TEX14: variants seen among roughly 807,000 people sequenced by gnomAD.
The protein encoded by TEX14 is testis expressed 14, intercellular bridge forming factor, also known as inactive serine/threonine-protein kinase TEX14.
Under a neutral mutation model 178.6 loss-of-function variants are expected in TEX14, and 168 were observed. That is an observed-to-expected ratio of 0.94 (90% CI 0.83 to 1.07). TEX14 has a LOEUF of 1.07. Ranked by LOEUF, TEX14 falls within the 50% of genes least tolerant of loss-of-function variation. TEX14 has a pLI of 0.00. For missense variants in TEX14, 1,730 were observed against 1,753.6 expected, an observed-to-expected ratio of 0.99 and a Z score of 0.24; for synonymous variants, 626 against 634.1, an observed-to-expected ratio of 0.99 and a Z score of 0.19.
intron 1 of TEX14, among the ~76,000 whole-genome samples, chr17:58,656,301 C>T (rs747096461): frequency 6.6e-6 from 1 of 151,902 alleles, no homozygotes; most frequent in African/African-American, 2.4e-5. Flanking sequence ...AAAAATTAGC[C>T]GGATGTGGTG....
At chr17:58,625,662 A>T (rs1254674531) in intron 3 of TEX14, among the ~76,000 whole-genome samples, 1 of 146,470 alleles carries the variant, frequency 6.8e-6, no homozygotes, top group Admixed American at 6.6e-5. Flanking sequence ...GCCAACTCAG[A>T]AGTTTATTTT....
At chr17:58,574,302 CACTA>C (rs2044619969) in intron 21 of TEX14, 53 bp from the exon 22 acceptor site, 4 of 1,386,270 alleles carry the variant, frequency 2.9e-6, no homozygotes, top group East Asian at 2.3e-5. Flanking sequence ...GAACAAAGTA[CACTA>C]ACTACTTGCT....
chr17:58,577,410 C>T lies in TEX14; in HGVS notation c.3285G>A (p.Glu1095=). The change falls in exon 21 of 32, where the codon GAG becomes GAA. Residue 1095 remains glutamate (E), a synonymous_variant. Transcript: ENST00000349033. ...GTTGAAATTGAGACCTGGGCAAAAT[C>T]TCAGCATTCTTTCCAAGAATTTTTC... ...QMRKILGKNA[E]ILPRSQFQPV... 1 of 1,516,204 alleles carries T rather than the reference C, an allele frequency of 6.6e-7. No homozygotes were observed. Among genetic ancestry groups the T allele is most frequent in the Non-Finnish European group, 8.9e-7 (1 of 1,128,590 alleles). The allele number at this position is 1,516,204 out of a possible 1,614,324, so 93.9% of individuals were successfully genotyped here.
chr17:58,559,709 A>C, intron 29 of TEX14, 147 bp from the exon 30 acceptor site: 2 of 600,356 alleles, frequency 3.3e-6, no homozygotes, highest in Non-Finnish European at 5.9e-6. Context: ...TCTATGCACC[A>C]GGCATTGGTT....
At chr17:58,623,094 G>A in intron 3 of TEX14, 82 bp from the exon 4 acceptor site, 1 of 1,316,768 alleles carries the variant, frequency 7.6e-7, no homozygotes, top group Non-Finnish European at 1.0e-6. Context: ...GCAACACAGG[G>A]CTCCCATTCT....
At chr17:58,671,534 T>G (rs1373930068) in intron 1 of TEX14, among the ~76,000 whole-genome samples, 1 of 152,074 alleles carries the variant, frequency 6.6e-6, no homozygotes, top group African/African-American at 2.4e-5. Context: ...GGAGGGACTC[T>G]CTAGTCAGAC....
chr17:58,643,974 G>A (rs2046636576), intron 2 of TEX14, among the ~76,000 whole-genome samples: 3 of 137,008 alleles, frequency 2.2e-5, no homozygotes, highest in Non-Finnish European at 4.6e-5. Flanking sequence ...ATAGCCTCCT[G>A]CAGCCAGAGC....
At chr17:58,634,326 T>G (rs2046386143) in intron 2 of TEX14, among the ~76,000 whole-genome samples, 3 of 152,062 alleles carry the variant, frequency 2.0e-5, no homozygotes, top group African/African-American at 7.2e-5. Context: ...GGCAGGAGGT[T>G]TGCTTGAACC....
At chr17:58,683,761 T>C (rs2047542531) in intron 1 of TEX14, among the ~76,000 whole-genome samples, 1 of 104,292 alleles carries the variant, frequency 9.6e-6, no homozygotes, top group Non-Finnish European at 1.9e-5. Context: ...AGACTCCAGC[T>C]CAAAAAAAAA....
intron 11 of TEX14, among the ~76,000 whole-genome samples, chr17:58,603,990 T>C (rs2045544553): frequency 6.8e-6 from 1 of 147,662 alleles, no homozygotes; most frequent in Non-Finnish European, 1.5e-5. Context: ...ATGTGACTAC[T>C]TTCTCCACAT....
chr17:58,623,794 TGAA>T (rs1567742426), intron 3 of TEX14, among the ~76,000 whole-genome samples: 3 of 105,288 alleles, frequency 2.8e-5, no homozygotes, highest in Admixed American at 1.5e-4. Flanking sequence ...AAGGAGAAGA[TGAA>T]GAAGAGGAGG....
At chr17:58,683,375 C>T (rs532520738) in intron 1 of TEX14, among the ~76,000 whole-genome samples, 4 of 148,452 alleles carry the variant, frequency 2.7e-5, no homozygotes, top group Admixed American at 2.0e-4. Flanking sequence ...TCCATCCCCC[C>T]CCCCAAAAAA....
chr17:58,647,603 T>C (rs1205615480), intron 2 of TEX14, among the ~76,000 whole-genome samples: 5 of 144,636 alleles, frequency 3.5e-5, no homozygotes, highest in African/African-American at 1.3e-4. Flanking sequence ...AAGAGTGTGC[T>C]TGAGGTCAGG....
At chr17:58,628,719 A>C (rs1421562741) in intron 3 of TEX14, among the ~76,000 whole-genome samples, 2 of 151,610 alleles carry the variant, frequency 1.3e-5, no homozygotes, top group Non-Finnish European at 2.9e-5. Context: ...CTCAAAAAAA[A>C]AAAAAGACTA....
rs79372976 is a variant in TEX14, at chr17:58,682,804, G to C, written c.-2+9135C>G. On this transcript the variant is annotated intron_variant, in intron 1 of 31. Transcript: ENST00000349033. ...CAAGGGAGTCAGCCTTAGGCAAAAA[G>C]ATGTCTGTCCTCCACTGCCTTGTAA... Among the ~76,000 whole-genome samples the C allele has an allele frequency of 4.4e-3, 674 of 152,248 alleles. 3 individuals carry two copies. Among genetic ancestry groups the C allele is most frequent in the African/African-American group, 0.015 (642 of 41,558 alleles).
intron 29 of TEX14, among the ~76,000 whole-genome samples, chr17:58,560,593 G>A (rs1319840711): frequency 6.6e-6 from 1 of 152,228 alleles, no homozygotes; most frequent in Non-Finnish European, 1.5e-5. Context: ...CAAGTAAGCT[G>A]ACTCTCTTCA....
chr17:58,585,772 C>A, intron 18 of TEX14, 29 bp downstream of exon 18: 7 of 1,611,700 alleles, frequency 4.3e-6, no homozygotes, highest in Non-Finnish European at 5.9e-6. Flanking sequence ...ATTGAGTTCA[C>A]CTATCCTGAT....
Position 58,599,627 on chromosome 17 carries a change from G to C in TEX14, c.1718C>G (p.Thr573Ser). The change falls in exon 14 of 32, where the codon ACT (threonine) becomes AGT (serine). Residue 573 changes from threonine to serine, a missense_variant. This residue lies in a region of TEX14 where 941 missense variants were observed against 1,072.4 expected (regional missense o/e 0.88). Coordinates refer to ENST00000349033, the MANE Select transcript of TEX14 (RefSeq NM_031272.5). ...PHSPRVHSLFTEGTLDPQAPD... is the reference protein window; with the variant it reads ...PHSPRVHSLFSEGTLDPQAPD... The stretch of plus-strand genomic sequence containing the variant: ...GGCCTGAGGATCTAGTGTCCCCTCA[G>C]TGAATAAAGAGTGAACCCTTGGTGA... 1.2e-6 allele frequency: 2 copies of C among 1,613,606 alleles called. No homozygotes were observed. Among genetic ancestry groups the C allele is most frequent in the Non-Finnish European group, 1.7e-6 (2 of 1,179,962 alleles).
chr17:58,597,095 T>C (rs1003711656), intron 14 of TEX14, among the ~76,000 whole-genome samples: 3 of 152,038 alleles, frequency 2.0e-5, no homozygotes, highest in African/African-American at 7.2e-5. Flanking sequence ...CTTCCCTGTA[T>C]AGGCAATAAA....
Sources: allele counts gnomAD v4.1 joint callset (sites outside exome capture counted in the v4.1 genomes callset), GRCh38; gene constraint gnomAD v4.1.1; regional missense constraint gnomAD v4.1.1; transcripts MANE v1.5; gene names NCBI Gene and HGNC (gene_info 2026-07-23, HGNC 2026-07-21).